The following CDC42EP2 variants were observed in gnomAD, a reference collection of about 807,000 sequenced individuals.
CDC42EP2 encodes the protein CDC42 effector protein 2.
Under a neutral mutation model 7.3 loss-of-function variants are expected in CDC42EP2, and 5 were observed. That is an observed-to-expected ratio of 0.68 (90% CI 0.36 to 1.44). CDC42EP2 has a LOEUF of 1.44. Among genes scored for constraint, CDC42EP2 ranks in the 40% most tolerant of loss-of-function variants. CDC42EP2 has a pLI of 0.04. For missense variants in CDC42EP2, 251 were observed against 282.6 expected (o/e 0.89, Z 0.80); for synonymous variants, 113 against 123.6 (o/e 0.91, Z 0.57).
In CDC42EP2 at chr11:65,315,323, C is replaced by T. The variant is rs1418377265; in HGVS notation, c.-356+369C>T. 6.6e-6 allele frequency among the ~76,000 whole-genome samples: 1 copy of T among 152,150 alleles called. No homozygotes were observed. Among genetic ancestry groups the T allele is most frequent in the African/African-American group, 2.4e-5 (1 of 41,440 alleles). On this transcript the variant is annotated intron_variant, in intron 1 of 1. Coordinates refer to ENST00000279249, the MANE Select transcript of CDC42EP2 (RefSeq NM_006779.4). This position sits in a 1 kb window ranked among gnomAD's most constrained non-coding sequence, Gnocchi z 4.1. ...GTTCTCCTATCTTTAGCTGCGGCCG[C>T]GAATGTCCTGAAACGGATCCGGGCT...
rs750598194 is a variant in CDC42EP2, at chr11:65,320,695, A to C, written c.-204A>C. Reference sequence around the variant, plus strand: ...TGATTTTTGTTATCTCAGCCCACTGACTTCATTGATCTCTAATCTTTTTTA... The same window carrying C: ...TGATTTTTGTTATCTCAGCCCACTGCCTTCATTGATCTCTAATCTTTTTTA... On this transcript the variant is annotated 5_prime_UTR_variant, in exon 2 of 2. Coordinates refer to ENST00000279249, the MANE Select transcript of CDC42EP2 (RefSeq NM_006779.4). 1.8e-6 allele frequency: 1 copy of C among 564,014 alleles called. No individual in the cohort carries two copies. The highest frequency in any genetic ancestry group is 3.2e-6 in the Non-Finnish European group (1 of 317,430). The allele number at this position is 564,014 out of a possible 1,614,324, so 34.9% of individuals were successfully genotyped here.
rs11333656 is a variant in CDC42EP2, at chr11:65,318,868, C to CT, written c.-355-1637dup. Among the ~76,000 whole-genome samples the CT allele has an allele frequency of 6.9e-3, 177 of 25,574 alleles. 81 individuals are homozygous for CT. Among genetic ancestry groups the CT allele is most frequent in the Admixed American group, 0.01 (16 of 1,558 alleles). The allele number at this position is 25,574 out of a possible 152,430, so 16.8% of individuals were successfully genotyped here. ...TACAGAAGTGAGCCACTGCACCTGA[C>CT]TTTTTTTTTTTTTTTTTTTTTTTTT... On this transcript the variant is annotated intron_variant, in intron 1 of 1. Coordinates refer to ENST00000279249, the MANE Select transcript of CDC42EP2 (RefSeq NM_006779.4).
Position 65,315,225 on chromosome 11 carries a change from G to A in CDC42EP2, c.-356+271G>A, listed in dbSNP as rs1050923065. On this transcript the variant is annotated intron_variant, in intron 1 of 1. Transcript: ENST00000279249. The surrounding 1 kb of genome is among the most constrained non-coding windows in gnomAD (Gnocchi z 4.1). ...GTGTCCGGGCCCCCGCCCCCCTCCC[G>A]AGACCCAGGGGTGCCCCGCCGCCCA... Among the ~76,000 whole-genome samples, 2 of 152,146 alleles carry A rather than the reference G, an allele frequency of 1.3e-5. No individual in the cohort carries two copies. Among genetic ancestry groups the A allele is most frequent in the African/African-American group, 4.8e-5 (2 of 41,436 alleles).
chr11:65,315,252 C>T lies in CDC42EP2; in HGVS notation c.-356+298C>T, dbSNP rs1949941250. Among the ~76,000 whole-genome samples the T allele has an allele frequency of 6.6e-6, 1 of 152,246 alleles. No homozygotes were observed. The highest frequency in any genetic ancestry group is 6.5e-5 in the Admixed American group (1 of 15,294). ...GACCCAGGGGTGCCCCGCCGCCCAGCATCCCCACCGGGGCTGGGGGCCGTA... is the reference window on the plus strand; with the variant it reads ...GACCCAGGGGTGCCCCGCCGCCCAGTATCCCCACCGGGGCTGGGGGCCGTA... On this transcript the variant is annotated intron_variant, in intron 1 of 1. Coordinates refer to ENST00000279249, the MANE Select transcript of CDC42EP2 (RefSeq NM_006779.4). This position sits in a 1 kb window ranked among gnomAD's most constrained non-coding sequence, Gnocchi z 4.1.
At position 65,320,928 on chromosome 11, in the gene CDC42EP2, G is replaced by A; in HGVS notation, c.30G>A (p.Lys10=). MSTKVPIYL[K]RGSRKGKKEK... ...CCACCAAGGTGCCCATCTATCTGAA[G>A]CGTGGCAGTCGCAAGGGCAAGAAGG... The change falls in exon 2 of 2, where the codon AAG becomes AAA. Residue 10 remains lysine (K), a synonymous_variant. Coordinates refer to ENST00000279249, the MANE Select transcript of CDC42EP2 (RefSeq NM_006779.4). 1 of 1,608,930 alleles carries A rather than the reference G, an allele frequency of 6.2e-7. No individual in the cohort carries two copies. Among genetic ancestry groups the A allele is most frequent in the Non-Finnish European group, 8.5e-7 (1 of 1,175,966 alleles).
At chr11:65,317,574 T>TTCTC (rs1182167907) in intron 1 of CDC42EP2, among the ~76,000 whole-genome samples, 2 of 152,004 alleles carry the variant, frequency 1.3e-5, no homozygotes. Flanking sequence ...TTGGACAAGT[T>TTCTC]TCTCTCTTTG....
At position 65,320,871 on chromosome 11, in the gene CDC42EP2, C is replaced by T. The variant is rs769508038; in HGVS notation, c.-28C>T. ...GGTCTCAGCAGGCGGCCCGTAGCCT[C>T]ACAGCCAGGCCTGGTGGTGAGGTCA... On this transcript the variant is annotated 5_prime_UTR_variant, in exon 2 of 2. Coordinates refer to ENST00000279249, the MANE Select transcript of CDC42EP2 (RefSeq NM_006779.4). 5.3e-5 allele frequency: 84 copies of T among 1,574,042 alleles called. No individual in the cohort carries two copies. Among genetic ancestry groups the T allele is most frequent in the Non-Finnish European group, 5.7e-5 (66 of 1,154,480 alleles).
In CDC42EP2 at chr11:65,321,369, C is replaced by T. The variant is rs748571418; in HGVS notation, c.471C>T (p.Gly157=). The change falls in exon 2 of 2, where the codon GGC becomes GGT. Residue 157 remains glycine, a synonymous_variant. Coordinates refer to ENST00000279249, the MANE Select transcript of CDC42EP2 (RefSeq NM_006779.4). The surrounding 1 kb of genome is among the most constrained non-coding windows in gnomAD (Gnocchi z 4.4). ...SVDIWRIPET[G]SPNSGLTPES... is the part of the protein sequence containing the mutation. ...ACATCTGGAGGATTCCAGAGACTGG[C>T]TCCCCCAACAGTGGACTGACCCCGG... The T allele has an allele frequency of 1.9e-6, 3 of 1,613,764 alleles. No homozygotes were observed. The highest frequency in any genetic ancestry group is 2.5e-6 in the Non-Finnish European group (3 of 1,180,038).
chr11:65,319,912 AC>A (rs4149829), intron 1 of CDC42EP2, among the ~76,000 whole-genome samples: 1 of 152,150 alleles, frequency 6.6e-6, no homozygotes, highest in African/African-American at 2.4e-5. Flanking sequence ...TGGTATGAGT[AC>A]CTGGATAAGG....
chr11:65,319,368 TC>T (rs894637635), intron 1 of CDC42EP2, among the ~76,000 whole-genome samples: 4 of 152,112 alleles, frequency 2.6e-5, no homozygotes, highest in African/African-American at 7.2e-5. Flanking sequence ...GACCTCGTGA[TC>T]CACCTGCCTC....
chr11:65,317,477 C>A (rs543933877), intron 1 of CDC42EP2, among the ~76,000 whole-genome samples: 1 of 152,164 alleles, frequency 6.6e-6, no homozygotes, highest in Admixed American at 6.5e-5. Flanking sequence ...TTTGGTGAGC[C>A]CCTGGCTGGG....
intron 1 of CDC42EP2, among the ~76,000 whole-genome samples, chr11:65,320,082 G>A (rs1178529396): frequency 1.3e-5 from 2 of 152,172 alleles, no homozygotes; most frequent in South Asian, 2.1e-4. Context: ...GTAGGTCTTA[G>A]AGTGAAGACA....
chr11:65,316,569 GTACCCAC>G (rs1271216808), intron 1 of CDC42EP2, among the ~76,000 whole-genome samples: 2 of 152,244 alleles, frequency 1.3e-5, no homozygotes, highest in East Asian at 3.9e-4. Flanking sequence ...ACCAGGCTGG[GTACCCAC>G]TCTTCCACTT....
At position 65,320,886 on chromosome 11, in the gene CDC42EP2, T is replaced by C; in HGVS notation, c.-13T>C. 1 of 1,586,774 alleles carries C rather than the reference T, an allele frequency of 6.3e-7. No homozygotes were observed. Among genetic ancestry groups the C allele is most frequent in the Non-Finnish European group, 8.6e-7 (1 of 1,161,184 alleles). On this transcript the variant is annotated 5_prime_UTR_variant, in exon 2 of 2. Transcript: ENST00000279249. ...CCCGTAGCCTCACAGCCAGGCCTGGTGGTGAGGTCACCATGTCCACCAAGG... is the reference window on the plus strand; with the variant it reads ...CCCGTAGCCTCACAGCCAGGCCTGGCGGTGAGGTCACCATGTCCACCAAGG...
intron 1 of CDC42EP2, among the ~76,000 whole-genome samples, chr11:65,320,253 G>A (rs1330568443): frequency 6.6e-6 from 1 of 152,100 alleles, no homozygotes; most frequent in African/African-American, 2.4e-5. Flanking sequence ...GATCATTTGA[G>A]GTCAGGAGTT....
chr11:65,318,053 C>G (rs1033211394), intron 1 of CDC42EP2, among the ~76,000 whole-genome samples: 4 of 151,512 alleles, frequency 2.6e-5, no homozygotes, highest in Non-Finnish European at 5.9e-5. Context: ...CAACCTAGGG[C>G]TGGCCTTCTA....
Position 65,321,129 on chromosome 11 carries a change from C to T in CDC42EP2, c.231C>T (p.Gly77=), listed in dbSNP as rs919767479. The change falls in exon 2 of 2, where the codon GGC becomes GGT. Residue 77 remains glycine, a synonymous_variant. Transcript: ENST00000279249. This position sits in a 1 kb window ranked among gnomAD's most constrained non-coding sequence, Gnocchi z 4.4. ...TGGTGGAGGGGCCTGAAGAAGATGG[C>T]ACCTTCGACCTCCCCTTCCAGTTCA... ...GTMVEGPEED[G]TFDLPFQFTR... The T allele has an allele frequency of 6.2e-7, 1 of 1,613,998 alleles. No homozygotes were observed. The highest frequency in any genetic ancestry group is 8.5e-7 in the Non-Finnish European group (1 of 1,180,006).
At chr11:65,318,525 G>A (rs1040298907) in intron 1 of CDC42EP2, among the ~76,000 whole-genome samples, 6 of 150,748 alleles carry the variant, frequency 4.0e-5, no homozygotes, top group African/African-American at 9.8e-5. Context: ...CCGGGTTCAC[G>A]CCATTCTCCT....
intron 1 of CDC42EP2, among the ~76,000 whole-genome samples, chr11:65,318,084 A>T (rs1282491989): frequency 8.7e-5 from 13 of 148,722 alleles, no homozygotes; most frequent in Non-Finnish European, 1.8e-4. Flanking sequence ...TGTGTTTTAA[A>T]TTTTTTTTTT....
Sources: allele counts gnomAD v4.1 joint callset (sites outside exome capture counted in the v4.1 genomes callset), GRCh38; gene constraint gnomAD v4.1.1; non-coding constraint Gnocchi (gnomAD v3.1); transcripts MANE v1.5; gene names NCBI Gene and HGNC (gene_info 2026-07-23, HGNC 2026-07-21).